The following C1QTNF8 variants were observed in gnomAD, a reference collection of about 807,000 sequenced individuals.
C1QTNF8 encodes complement C1q tumor necrosis factor-related protein 8.
In C1QTNF8, 27 loss-of-function variants were observed where a neutral mutation model predicts 19.2. The ratio of observed to expected loss-of-function variants is 1.41; its 90% CI spans 1.04 to 1.94. The LOEUF is 1.94. Ranked by LOEUF, C1QTNF8 falls within the 30% of genes most tolerant of loss-of-function variation. The pLI is 0.00. For synonymous variants in C1QTNF8, 208 were observed against 172.8 expected, an observed-to-expected ratio of 1.20 and a Z score of -1.60; for missense variants, 484 against 374.4, an observed-to-expected ratio of 1.29 and a Z score of -2.42.
At chr16:1,094,623 C>A in intron 3 of C1QTNF8, 92 bp downstream of exon 3, 1 of 1,075,912 alleles carries the variant, frequency 9.3e-7, no homozygotes, top group East Asian at 2.9e-5. Flanking sequence ...GTGCCCCTCC[C>A]GCCCCTCCTC....
chr16:1,092,373 G>C (rs1000276425), intron 4 of C1QTNF8, among the ~76,000 whole-genome samples: 1 of 148,110 alleles, frequency 6.8e-6, no homozygotes, highest in African/African-American at 2.6e-5. Context: ...GCACACAGTC[G>C]GGGCACAACC....
chr16:1,088,335 G>A lies in C1QTNF8; in HGVS notation c.*2264C>T, dbSNP rs1483899387. On this transcript the variant is annotated 3_prime_UTR_variant, in exon 5 of 5. Transcript: ENST00000328449. Reference sequence around the variant, plus strand: ...CCTGGAATGTCACAGGGATGTCCCCGCGGGAAGCCGCGTTCCCCAGTCCCT... The same window carrying A: ...CCTGGAATGTCACAGGGATGTCCCCACGGGAAGCCGCGTTCCCCAGTCCCT... Among the ~76,000 whole-genome samples, 6 of 152,238 alleles carry A rather than the reference G, an allele frequency of 3.9e-5. No individual in the cohort carries two copies. Among genetic ancestry groups the A allele is most frequent in the South Asian group, 2.1e-4 (1 of 4,830 alleles).
At chr16:1,095,945 G>A (rs1855221419) in intron 1 of C1QTNF8, among the ~76,000 whole-genome samples, 157 bp from the exon 2 acceptor site, 1 of 152,138 alleles carries the variant, frequency 6.6e-6, no homozygotes, top group African/African-American at 2.4e-5. Context: ...AGCCTGGCAG[G>A]AGTGGGTGTG....
chr16:1,093,563 C>T lies in C1QTNF8; in HGVS notation c.697G>A (p.Glu233Lys). The T allele has an allele frequency of 6.3e-7, 1 of 1,591,808 alleles. No homozygotes were observed. The change falls in exon 4 of 5, where the codon GAG becomes AAG. Residue 233 changes from glutamate (E) to lysine (K), a missense_variant. Coordinates refer to ENST00000328449, the MANE Select transcript of C1QTNF8 (RefSeq NM_207419.3). Reference protein sequence around the residue: ...QRDRDNAIYGEHGDLYITFSG... With the variant: ...QRDRDNAIYGKHGDLYITFSG... ...AAGGTGATGTAGAGGTCTCCGTGCT[C>T]GCCGTAGATGGCGTTGTCCCGGTCG...
rs769044408 is a variant in C1QTNF8 at position 1,094,007 on chromosome 16, C to T, written c.253G>A (p.Gly85Arg). 4.0e-6 allele frequency: 6 copies of T among 1,485,822 alleles called. No individual in the cohort carries two copies. The highest frequency in any genetic ancestry group is 5.3e-6 in the Non-Finnish European group (6 of 1,134,896). The allele number at this position is 1,485,822 out of a possible 1,614,324, so 92.0% of individuals were successfully genotyped here. ...AGVRGRAGRS[G>R]KEGPPGARGL... is the part of the protein sequence containing the mutation. ...CGGGCGCCTGGCGGCCCCTCTTTCC[C>T]GCTCCTGCCGGCCCGACCTCGGACG... Residue 85 changes from glycine to arginine, a missense_variant, in exon 4 of 5, where the codon GGG becomes AGG. Gly to Arg is a moderately radical substitution (Grantham distance 125). Coordinates refer to ENST00000328449, the MANE Select transcript of C1QTNF8 (RefSeq NM_207419.3).
At position 1,093,825 on chromosome 16, in the gene C1QTNF8, C is replaced by T; in HGVS notation, c.435G>A (p.Leu145=). The T allele has an allele frequency of 6.2e-7, 1 of 1,609,156 alleles. No individual in the cohort carries two copies. Among genetic ancestry groups the T allele is most frequent in the South Asian group, 1.1e-5 (1 of 91,072 alleles). The change falls in exon 4 of 5, where the codon CTG becomes CTA. Residue 145 remains leucine (L), a synonymous_variant. Transcript: ENST00000328449. ...CCGCGGCCAGGTCGAAGGCGCCGTC[C>T]AGGTTCACCAGCTCCGTGTCGAAGG... ...AVPFDTELVN[L]DGAFDLAAGR...
In C1QTNF8 at chr16:1,094,817, G is replaced by C. The variant is rs914407298; in HGVS notation, c.106C>G (p.Pro36Ala). ...TCACTCACCCGGGCATAGGGTCCAG[G>C]GGGCCAGGCCGGGCGGCAGCAGTGC... ...CVHCCRPAWP[P>A]GPYARVSDRD... The change falls in exon 3 of 5, where the codon CCT (proline) becomes GCT (alanine). Residue 36 changes from proline to alanine, a missense_variant. By Grantham distance (27) the Pro-to-Ala change is conservative. Transcript: ENST00000328449. The C allele has an allele frequency of 1.3e-6, 2 of 1,491,774 alleles. No homozygotes were observed. Among genetic ancestry groups the C allele is most frequent in the Non-Finnish European group, 1.8e-6 (2 of 1,121,160 alleles). The allele number at this position is 1,491,774 out of a possible 1,614,324, so 92.4% of individuals were successfully genotyped here.
intron 3 of C1QTNF8, 62 bp downstream of exon 3, chr16:1,094,653 C>T (rs1030556063): frequency 4.2e-6 from 6 of 1,431,882 alleles, no homozygotes; most frequent in Non-Finnish European, 5.7e-6. Flanking sequence ...AGGTGCTCCC[C>T]ACTCCCTGTG....
rs1423308481 is a variant in C1QTNF8 at position 1,093,521 on chromosome 16, T to G, written c.739A>C (p.Lys247Gln). ...LYITFSGHLV[K>Q]PAAEL Reference sequence around the variant, plus strand: ...CCCGGCTACAGCTCGGCGGCCGGCTTGACCAGGTGGCCGCTGAAGGTGATG... The same window carrying G: ...CCCGGCTACAGCTCGGCGGCCGGCTGGACCAGGTGGCCGCTGAAGGTGATG... The change falls in exon 4 of 5, where the codon AAG becomes CAG. Residue 247 changes from lysine (K) to glutamine (Q), a missense_variant. By Grantham distance (53) the Lys-to-Gln change is moderately conservative (BLOSUM62 1). Coordinates refer to ENST00000328449, the MANE Select transcript of C1QTNF8 (RefSeq NM_207419.3). 6.5e-7 allele frequency: 1 copy of G among 1,545,198 alleles called. No homozygotes were observed. Among genetic ancestry groups the G allele is most frequent in the East Asian group, 2.4e-5 (1 of 42,330 alleles).
intron 1 of C1QTNF8, among the ~76,000 whole-genome samples, 161 bp downstream of exon 1, chr16:1,095,995 C>T (rs886236512): frequency 7.9e-5 from 12 of 152,168 alleles, no homozygotes; most frequent in African/African-American, 1.7e-4. Flanking sequence ...ACGGAGTTCC[C>T]GGCCGTCCCA....
chr16:1,093,426 C>CA, intron 4 of C1QTNF8, 71 bp downstream of exon 4: 3 of 1,007,488 alleles, frequency 3.0e-6, no homozygotes, highest in South Asian at 1.9e-5. Context: ...ACACCCACCC[C>CA]CACACACACA....
In C1QTNF8 at chr16:1,095,663, C is replaced by T. The variant is rs118045441; in HGVS notation, c.-60G>A. 2,117 of 152,378 alleles carry T rather than the reference C, an allele frequency of 0.014. 25 individuals carry two copies. Among genetic ancestry groups the T allele is most frequent in the Middle Eastern group, 0.03 (9 of 296 alleles). 9.4% of individuals were successfully genotyped at this position (152,378 alleles called of 1,614,324 possible). A position where few individuals can be genotyped will look rare whatever the true frequency, so the allele number is the denominator to read the frequency against. On this transcript the variant is annotated 5_prime_UTR_variant, in exon 2 of 5. Coordinates refer to ENST00000328449, the MANE Select transcript of C1QTNF8 (RefSeq NM_207419.3). ...TGGAGGCTTGGCCAGGAGTGTCTTC[C>T]GCTAGGGCAGGTGCACGGGTCGGGA...
chr16:1,093,471 C>G (rs781506716), intron 4 of C1QTNF8, 26 bp downstream of exon 4: 93 of 1,470,180 alleles, frequency 6.3e-5, no homozygotes, highest in South Asian at 1.2e-4. Flanking sequence ...CGCGCGCGCC[C>G]GGTGCTCAGC....
rs1960478572 is a variant in C1QTNF8 at position 1,088,410 on chromosome 16, G to A, written c.*2189C>T. The stretch of plus-strand genomic sequence containing the variant: ...AAGCCAGCACGGGCCGACCACGGGG[G>A]TGCCCGGTGCGGTTCTGATGGGGTG... On this transcript the variant is annotated 3_prime_UTR_variant, in exon 5 of 5. Transcript: ENST00000328449. 6.6e-6 allele frequency among the ~76,000 whole-genome samples: 1 copy of A among 152,214 alleles called. No homozygotes were observed. The highest frequency in any genetic ancestry group is 1.5e-5 in the Non-Finnish European group (1 of 68,044).
Position 1,089,332 on chromosome 16 carries a change from A to G in C1QTNF8, c.*1267T>C, listed in dbSNP as rs899343124. ...CTCTGGTTCTTCAAGCACCTGCCAC[A>G]CTTGACCCCAACAGGCTCCTCCTGG... On this transcript the variant is annotated 3_prime_UTR_variant, in exon 5 of 5. Coordinates refer to ENST00000328449, the MANE Select transcript of C1QTNF8 (RefSeq NM_207419.3). Among the ~76,000 whole-genome samples the G allele has an allele frequency of 8.6e-5, 13 of 151,088 alleles. No homozygotes were observed. The highest frequency in any genetic ancestry group is 2.4e-4 in the African/African-American group (10 of 40,980).
At position 1,088,260 on chromosome 16, in the gene C1QTNF8, T is replaced by G. The variant is rs1265592575; in HGVS notation, c.*2339A>C. The stretch of plus-strand genomic sequence containing the variant: ...AATTGGATTTTTACTGGAATTCCAC[T>G]AAACGGATAAAGTTACATGGGATAA... On this transcript the variant is annotated 3_prime_UTR_variant, in exon 5 of 5. Coordinates refer to ENST00000328449, the MANE Select transcript of C1QTNF8 (RefSeq NM_207419.3). Among the ~76,000 whole-genome samples, 3 of 152,266 alleles carry G rather than the reference T, an allele frequency of 2.0e-5. No individual in the cohort carries two copies. The highest frequency in any genetic ancestry group is 7.2e-5 in the African/African-American group (3 of 41,472).
rs1342598549 is a variant in C1QTNF8, at chr16:1,093,807, C to G, written c.453G>C (p.Leu151=). 3.7e-6 allele frequency: 6 copies of G among 1,610,896 alleles called. No homozygotes were observed. In the South Asian group the frequency reaches 6.6e-5, roughly 18 times the overall value. ...ELVNLDGAFD[L]AAGRFLCTVP... ...CCGTGCAGAGGAAGCGGCCCGCGGCCAGGTCGAAGGCGCCGTCCAGGTTCA... is the reference window on the plus strand; with the variant it reads ...CCGTGCAGAGGAAGCGGCCCGCGGCGAGGTCGAAGGCGCCGTCCAGGTTCA... The change falls in exon 4 of 5, where the codon CTG becomes CTC. Residue 151 remains leucine, a synonymous_variant. Coordinates refer to ENST00000328449, the MANE Select transcript of C1QTNF8 (RefSeq NM_207419.3).
At chr16:1,091,224 C>T (rs982554999) in intron 4 of C1QTNF8, among the ~76,000 whole-genome samples, 2 of 152,176 alleles carry the variant, frequency 1.3e-5, no homozygotes, top group African/African-American at 4.8e-5. Context: ...CATGAGCCCA[C>T]GCTGGGTGCA....
At chr16:1,092,432 A>G (rs113048163) in intron 4 of C1QTNF8, among the ~76,000 whole-genome samples, 145 of 122,300 alleles carry the variant, frequency 1.2e-3, no homozygotes, top group East Asian at 3.1e-3. Context: ...CACAGTCGGC[A>G]CTCAACCAAT....
Sources: gnomAD v4.1 joint callset for allele counts (sites outside exome capture counted in the v4.1 genomes callset) on GRCh38, gnomAD v4.1.1 for gene constraint, MANE v1.5 for transcripts, NCBI Gene and HGNC (gene_info 2026-07-23, HGNC 2026-07-21) for gene names.